Variants in LAMA3 observed in about 807,000 individuals in gnomAD.
The protein encoded by LAMA3 is laminin subunit alpha-3.
In LAMA3, 281 loss-of-function variants were observed where a neutral mutation model predicts 402.0. The observed-to-expected ratio is 0.70, with a 90% CI of 0.63 to 0.77. The LOEUF (loss-of-function observed/expected upper bound fraction) is 0.77, where lower values mean the gene tolerates loss of function less well. Among genes scored for constraint, LAMA3 ranks in the 30% least tolerant of loss-of-function variants. The pLI is 0.00. For synonymous variants in LAMA3, 1,431 were observed against 1,558.4 expected (o/e 0.92, Z 1.93); for missense variants, 3,840 against 4,215.5 (o/e 0.91, Z 2.47).
chr18:23,798,970 A>G (rs2062818996), intron 12 of LAMA3, among the ~76,000 whole-genome samples: 1 of 152,226 alleles, frequency 6.6e-6, no homozygotes, highest in Non-Finnish European at 1.5e-5. Flanking sequence ...GTCTGATAGC[A>G]ATGTTGCAAG....
At position 23,837,062 on chromosome 18, in the gene LAMA3, C is replaced by G. The variant is rs35756007; in HGVS notation, c.3066C>G (p.Leu1022=). Residue 1022 remains leucine, a synonymous_variant, in exon 25 of 75, where the codon CTC becomes CTG. Transcript: ENST00000313654. The part of the protein sequence containing the change: ...YELLADADIQ[L]KGHMARFLLH... ...TATTGGCAGATGCAGACATTCAGCT[C>G]AAGGGACACATGGCCCGATTCCTTC... 0.016 allele frequency: 26,421 copies of G among 1,613,008 alleles called. 780 individuals carry two copies. The highest frequency in any genetic ancestry group is 0.11 in the African/African-American group (8,134 of 74,980).
At chr18:23,868,545 G>A (rs920563748) in intron 37 of LAMA3, among the ~76,000 whole-genome samples, 3 of 152,124 alleles carry the variant, frequency 2.0e-5, no homozygotes, top group Non-Finnish European at 2.9e-5. Context: ...CCAGGAGGTC[G>A]AAGCTGCAGT....
At chr18:23,809,067 G>A (rs2063018432) in intron 12 of LAMA3, among the ~76,000 whole-genome samples, 2 of 152,200 alleles carry the variant, frequency 1.3e-5, no homozygotes, top group South Asian at 4.1e-4. Flanking sequence ...AGTGTAAAGA[G>A]CACCTCCCCA....
chr18:23,866,045 G>A (rs2064349255), intron 36 of LAMA3, among the ~76,000 whole-genome samples: 1 of 152,168 alleles, frequency 6.6e-6, no homozygotes, highest in Non-Finnish European at 1.5e-5. Context: ...GTTGGCCAGG[G>A]TGGTCTCAAA....
At chr18:23,883,439 T>C (rs1461903989) in intron 40 of LAMA3, among the ~76,000 whole-genome samples, 1 of 152,200 alleles carries the variant, frequency 6.6e-6, no homozygotes, top group Non-Finnish European at 1.5e-5. Context: ...AGAGTTGTTC[T>C]GAAAATCAAG....
At chr18:23,907,302 A>C (rs553622480) in intron 52 of LAMA3, among the ~76,000 whole-genome samples, 1 of 152,172 alleles carries the variant, frequency 6.6e-6, no homozygotes, top group Non-Finnish European at 1.5e-5. Context: ...CAAGTTATTC[A>C]GCCTCTTTCT....
At chr18:23,760,385 A>G (rs1165740087) in intron 7 of LAMA3, among the ~76,000 whole-genome samples, 1 of 152,184 alleles carries the variant, frequency 6.6e-6, no homozygotes, top group Non-Finnish European at 1.5e-5. Context: ...AAGATAAGAA[A>G]GCATTGAGCC....
At chr18:23,764,416 A>G (rs2062034437) in intron 8 of LAMA3, among the ~76,000 whole-genome samples, 1 of 152,210 alleles carries the variant, frequency 6.6e-6, no homozygotes, top group Admixed American at 6.5e-5. Flanking sequence ...AGTTGCAGAA[A>G]CACTGGACTA....
chr18:23,722,787 T>C (rs1343718232), intron 2 of LAMA3, among the ~76,000 whole-genome samples: 1 of 152,156 alleles, frequency 6.6e-6, no homozygotes, highest in Non-Finnish European at 1.5e-5. Flanking sequence ...GAAGTTAAGA[T>C]GATAAAATGA....
At position 23,808,911 on chromosome 18, in the gene LAMA3, T is replaced by C. The variant is rs148227989; in HGVS notation, c.1604-1455T>C. On this transcript the variant is annotated intron_variant, in intron 12 of 74. Transcript: ENST00000313654. ...CAGAACTGGGGCTTTACCTTATGAATCTTTTCTTTCCTAAGGCTCCAACTA... is the reference window on the plus strand; with the variant it reads ...CAGAACTGGGGCTTTACCTTATGAACCTTTTCTTTCCTAAGGCTCCAACTA... Among the ~76,000 whole-genome samples, 306 of 152,326 alleles carry C rather than the reference T, an allele frequency of 2.0e-3. 1 individual carries two copies. The highest frequency in any genetic ancestry group is 7.1e-3 in the African/African-American group (297 of 41,574).
rs532597629 is a variant in LAMA3 at position 23,909,764 on chromosome 18, C to T, written c.7158+469C>T. Reference sequence around the variant, plus strand: ...GATTCACCAGCCTTTCTTGTTTTAACCTGACATTATTTGCTTGAATTACTG... The same window carrying T: ...GATTCACCAGCCTTTCTTGTTTTAATCTGACATTATTTGCTTGAATTACTG... On this transcript the variant is annotated intron_variant, in intron 55 of 74. Coordinates refer to ENST00000313654, the MANE Select transcript of LAMA3 (RefSeq NM_198129.4). Among the ~76,000 whole-genome samples, 4 of 152,320 alleles carry T rather than the reference C, an allele frequency of 2.6e-5. No homozygotes were observed. In the South Asian group the frequency reaches 6.2e-4, roughly 24 times the overall value.
chr18:23,893,176 G>A (rs2080746560), intron 42 of LAMA3, among the ~76,000 whole-genome samples: 1 of 152,190 alleles, frequency 6.6e-6, no homozygotes, highest in African/African-American at 2.4e-5. Context: ...AATAACAGAT[G>A]TGAAAGCCTC....
chr18:23,778,491 G>T (rs2062369361), intron 11 of LAMA3, among the ~76,000 whole-genome samples: 1 of 152,158 alleles, frequency 6.6e-6, no homozygotes, highest in African/African-American at 2.4e-5. Flanking sequence ...CACATCATAG[G>T]CATAAACTAA....
chr18:23,808,673 G>A (rs746743350), intron 12 of LAMA3, among the ~76,000 whole-genome samples: 2 of 152,200 alleles, frequency 1.3e-5, no homozygotes, highest in Admixed American at 6.6e-5. Context: ...TAAACTAGCC[G>A]AGTTCCCCTC....
chr18:23,783,395 CCTT>C (rs1480782069), intron 11 of LAMA3, among the ~76,000 whole-genome samples: 2 of 152,060 alleles, frequency 1.3e-5, no homozygotes, highest in African/African-American at 2.4e-5. Flanking sequence ...GTCAGGGGGA[CCTT>C]CTGAGGAGCT....
At chr18:23,724,373 T>C (rs2061262824) in intron 2 of LAMA3, among the ~76,000 whole-genome samples, 1 of 152,212 alleles carries the variant, frequency 6.6e-6, no homozygotes, top group African/African-American at 2.4e-5. Flanking sequence ...GGAACAATGA[T>C]TTCTGGTAGA....
chr18:23,930,502 C>A (rs774544621), intron 64 of LAMA3, among the ~76,000 whole-genome samples: 1 of 149,890 alleles, frequency 6.7e-6, no homozygotes, highest in African/African-American at 2.5e-5. Context: ...AATCCCAGCA[C>A]CTTGGGAGGC....
rs773947983 is a variant in LAMA3 at position 23,950,124 on chromosome 18, G to C, written c.9607G>C (p.Gly3203Arg). ...CCTAATACACATCGGAAGTCAGCCC[G>C]GGAAGCACTTATGTGTTTACCTGGA... ...GILIHIGSQP[G>R]KHLCVYLEAG... Residue 3203 changes from glycine to arginine, a missense_variant, in exon 72 of 75, where the codon GGG (glycine) becomes CGG (arginine). Coordinates refer to ENST00000313654, the MANE Select transcript of LAMA3 (RefSeq NM_198129.4). 1.5e-5 allele frequency: 25 copies of C among 1,614,068 alleles called. No homozygotes were observed. The highest frequency in any genetic ancestry group is 2.1e-5 in the Non-Finnish European group (25 of 1,180,000).
chr18:23,855,831 G>A (rs1398683948), intron 32 of LAMA3, among the ~76,000 whole-genome samples: 1 of 152,150 alleles, frequency 6.6e-6, no homozygotes, highest in Admixed American at 6.5e-5. Context: ...AATCATTTCT[G>A]CAGGTATCGA....
Sources: allele counts gnomAD v4.1 joint callset (sites outside exome capture counted in the v4.1 genomes callset), GRCh38; gene constraint gnomAD v4.1.1; transcripts MANE v1.5; gene names NCBI Gene and HGNC (gene_info 2026-07-23, HGNC 2026-07-21).